The following PABPC4L variants were observed in gnomAD, a reference collection of about 807,000 sequenced individuals.
PABPC4L encodes polyadenylate-binding protein 4-like.
For synonymous variants in PABPC4L, 169 were observed against 164.1 expected (o/e 1.03, Z -0.23); for missense variants, 452 against 451.4 (o/e 1.00, Z -0.01).
At position 134,196,993 on chromosome 4, in the gene PABPC4L, A is replaced by G. The variant is rs1729680174; in HGVS notation, c.*2914T>C. 1 of 151,778 alleles carries G rather than the reference A, an allele frequency of 6.6e-6. No homozygotes were observed. Among genetic ancestry groups the G allele is most frequent in the African/African-American group, 2.4e-5 (1 of 41,434 alleles). 9.4% of individuals were successfully genotyped at this position (151,778 alleles called of 1,614,324 possible). A position where few individuals can be genotyped will look rare whatever the true frequency, so the allele number is the denominator to read the frequency against. On this transcript the variant is annotated 3_prime_UTR_variant, in exon 2 of 2. Transcript: ENST00000421491. ...TATCTTGAAAGATTATGTAAGCATT[A>G]TCAAATATTGTTCAAATATTTGAAC...
chr4:134,111,447 CAT>C, the PABPC4L span, among the ~76,000 whole-genome samples: 2,513 of 151,970 alleles, frequency 0.017, 69 homozygotes, highest in African/African-American at 0.054. Flanking sequence ...TACACACACA[CAT>C]GTGTATGTAA....
At chr4:134,036,979 C>G in the PABPC4L span, among the ~76,000 whole-genome samples, 4 of 151,418 alleles carry the variant, frequency 2.6e-5, no homozygotes, top group African/African-American at 9.7e-5. Context: ...TCATTTGAAC[C>G]CAGGAGGTGG....
the PABPC4L span, among the ~76,000 whole-genome samples, chr4:134,174,561 A>T: frequency 2.0e-5 from 3 of 152,156 alleles, no homozygotes; most frequent in African/African-American, 2.4e-5. Flanking sequence ...TTAGAATCTT[A>T]TGGGACCACC....
the PABPC4L span, among the ~76,000 whole-genome samples, chr4:134,084,743 T>G: frequency 6.6e-6 from 1 of 151,894 alleles, no homozygotes; most frequent in Non-Finnish European, 1.5e-5. Flanking sequence ...TAATATCCTG[T>G]CTTTTCAACA....
chr4:133,949,464 C>G, the PABPC4L span, among the ~76,000 whole-genome samples: 1 of 152,200 alleles, frequency 6.6e-6, no homozygotes, highest in African/African-American at 2.4e-5. Context: ...TAATCCTAAT[C>G]ATATCCACCC....
At chr4:134,009,151 C>T in the PABPC4L span, among the ~76,000 whole-genome samples, 1 of 151,636 alleles carries the variant, frequency 6.6e-6, no homozygotes, top group Non-Finnish European at 1.5e-5. Context: ...ACAAGTCACT[C>T]TTATATAATA....
the PABPC4L span, among the ~76,000 whole-genome samples, chr4:134,172,353 A>T: frequency 4.6e-5 from 7 of 152,044 alleles, no homozygotes; most frequent in Non-Finnish European, 1.0e-4. Context: ...AGAGCCCAGA[A>T]ATAAATCCAA....
chr4:134,090,762 CA>C, the PABPC4L span, among the ~76,000 whole-genome samples: 281 of 141,828 alleles, frequency 2.0e-3, no homozygotes, highest in African/African-American at 6.4e-3. Flanking sequence ...TATCCTGTCT[CA>C]AAAAAAAAAA....
chr4:133,986,928 G>A, the PABPC4L span, among the ~76,000 whole-genome samples: 30 of 152,002 alleles, frequency 2.0e-4, no homozygotes, highest in African/African-American at 7.0e-4. Context: ...TAGAGATGGG[G>A]TTTTGGTATG....
rs1361931862 is a variant in PABPC4L at position 134,200,999 on chromosome 4, G to A, written c.21C>T (p.Tyr7=). MNVAAK[Y]RMASLYVGDL... ...CACCCACATACAGGGAGGCCATGCG[G>A]TACTTGGCTGCTACATTCATCTCCT... Residue 7 remains tyrosine (Y), a synonymous_variant, in exon 2 of 2, where the codon TAC becomes TAT. Transcript: ENST00000421491. 1.3e-6 allele frequency: 2 copies of A among 1,552,060 alleles called. No homozygotes were observed. Among genetic ancestry groups the A allele is most frequent in the Non-Finnish European group, 1.7e-6 (2 of 1,147,138 alleles).
At chr4:134,111,774 C>A in the PABPC4L span, among the ~76,000 whole-genome samples, 2 of 151,922 alleles carry the variant, frequency 1.3e-5, no homozygotes, top group Non-Finnish European at 2.9e-5. Context: ...ATGCTTTTCA[C>A]CTTCCACCAC....
At chr4:134,064,952 T>C in the PABPC4L span, among the ~76,000 whole-genome samples, 1 of 152,074 alleles carries the variant, frequency 6.6e-6, no homozygotes, top group African/African-American at 2.4e-5. Context: ...CTGTGTAGTA[T>C]CCCATGGTCT....
downstream of PABPC4L, among the ~76,000 whole-genome samples, chr4:134,192,743 T>C (rs1181471147): frequency 6.6e-6 from 1 of 152,072 alleles, no homozygotes; most frequent in Non-Finnish European, 1.5e-5. Context: ...TAAAATACGC[T>C]GAGTAAAAGT....
At chr4:133,959,139 T>C in the PABPC4L span, among the ~76,000 whole-genome samples, 1 of 145,606 alleles carries the variant, frequency 6.9e-6, no homozygotes, top group Non-Finnish European at 1.5e-5. Flanking sequence ...AAAATACATT[T>C]GTTCATTCAT....
At chr4:134,131,235 A>T in the PABPC4L span, among the ~76,000 whole-genome samples, 1 of 152,022 alleles carries the variant, frequency 6.6e-6, no homozygotes, top group Non-Finnish European at 1.5e-5. Flanking sequence ...ATCCAAATCA[A>T]TGAAGAGGAA....
the PABPC4L span, among the ~76,000 whole-genome samples, chr4:134,093,256 T>G: frequency 6.6e-6 from 1 of 151,804 alleles, no homozygotes; most frequent in African/African-American, 2.4e-5. Context: ...TTTGCTTTAT[T>G]TCTGGTTTTT....
Position 134,199,908 on chromosome 4 carries a change from T to A in PABPC4L, c.1112A>T (p.Ter371LeuextTer9). ...PLSIALAQRH[*>L] is the part of the protein sequence containing the mutation. ...GCTGGAAAGGTACGTTTTTCTTTCC[T>A]AGTGTCTCTGGGCCAAGGCAATGCT... Residue 371 changes from the stop codon to leucine, a stop_lost, in exon 2 of 2, where the codon TAG becomes TTG. Coordinates refer to ENST00000421491, the MANE Select transcript of PABPC4L (RefSeq NM_001114734.2). 6.4e-7 allele frequency: 1 copy of A among 1,551,120 alleles called. No homozygotes were observed. The highest frequency in any genetic ancestry group is 1.7e-4 in the Middle Eastern group (1 of 5,974).
the PABPC4L span, among the ~76,000 whole-genome samples, chr4:134,082,016 C>T: frequency 6.6e-6 from 1 of 151,992 alleles, no homozygotes. Flanking sequence ...TGATCAGCTC[C>T]AAGAAAAGTG....
chr4:134,174,584 A>T, the PABPC4L span, among the ~76,000 whole-genome samples: 1 of 152,158 alleles, frequency 6.6e-6, no homozygotes, highest in Non-Finnish European at 1.5e-5. Flanking sequence ...TGTACATGTG[A>T]TATAACACTG....
Sources: gnomAD v4.1 joint callset for allele counts (sites outside exome capture counted in the v4.1 genomes callset) on GRCh38, gnomAD v4.1.1 for gene constraint, MANE v1.5 for transcripts, NCBI Gene and HGNC (gene_info 2026-07-23, HGNC 2026-07-21) for gene names.